COMMD1: variants seen among roughly 807,000 people sequenced by gnomAD.
The protein encoded by COMMD1 is COMM domain-containing protein 1.
In COMMD1, 10 loss-of-function variants were observed where a neutral mutation model predicts 17.2. That is an observed-to-expected ratio of 0.58 (90% CI 0.36 to 0.99). The LOEUF (loss-of-function observed/expected upper bound fraction) is 0.99. Among genes scored for constraint, COMMD1 ranks in the 50% least tolerant of loss-of-function variants. The pLI, the probability that COMMD1 is intolerant of heterozygous loss-of-function variation, is 0.01. For missense variants in COMMD1, 270 were observed against 231.8 expected, an observed-to-expected ratio of 1.17 and a Z score of -1.07; for synonymous variants, 97 against 91.6, an observed-to-expected ratio of 1.06 and a Z score of -0.34.
chr2:62,063,255 G>T (rs2103944314), intron 2 of COMMD1, among the ~76,000 whole-genome samples: 1 of 152,140 alleles, frequency 6.6e-6, no homozygotes, highest in African/African-American at 2.4e-5. Flanking sequence ...AATATTAGCA[G>T]GTTGTGGTGG....
chr2:61,913,796 CAAAAAAA>C (rs1164297104), intron 1 of COMMD1, among the ~76,000 whole-genome samples: 11 of 14,512 alleles, frequency 7.6e-4, no homozygotes, highest in African/African-American at 3.8e-3. Flanking sequence ...ACTCCATCTC[CAAAAAAA>C]AAAAAAAAAA....
In COMMD1 at chr2:61,949,971, A is replaced by G. The variant is rs1486608880; in HGVS notation, c.180+44113A>G. On this transcript the variant is annotated intron_variant, in intron 1 of 2. Coordinates refer to ENST00000311832, the MANE Select transcript of COMMD1 (RefSeq NM_152516.4). ...GTCACTGGATTCAAGCCAAGGTCTCAGGACACAAAATGAAACAAACAGGAC... is the reference window on the plus strand; with the variant it reads ...GTCACTGGATTCAAGCCAAGGTCTCGGGACACAAAATGAAACAAACAGGAC... 2.6e-5 allele frequency among the ~76,000 whole-genome samples: 4 copies of G among 152,206 alleles called. No homozygotes were observed. The East Asian group carries it at 7.7e-4, about 29-fold the overall frequency.
chr2:61,962,453 A>G (rs573778791), intron 1 of COMMD1, among the ~76,000 whole-genome samples: 4 of 152,310 alleles, frequency 2.6e-5, no homozygotes, highest in African/African-American at 9.6e-5. Context: ...ATGCTAATGA[A>G]TGACACAGGA....
At chr2:62,075,955 A>G (rs191611841) in intron 2 of COMMD1, among the ~76,000 whole-genome samples, 23 of 152,336 alleles carry the variant, frequency 1.5e-4, no homozygotes, top group African/African-American at 3.4e-4. Context: ...ACTCTGTTGT[A>G]AGTTCCTAGA....
intron 2 of COMMD1, among the ~76,000 whole-genome samples, chr2:62,065,286 C>G (rs1041128875): frequency 6.6e-6 from 1 of 151,360 alleles, no homozygotes; most frequent in African/African-American, 2.4e-5. Context: ...AATTATAACT[C>G]CAGGTCACCA....
intron 2 of COMMD1, among the ~76,000 whole-genome samples, chr2:62,013,567 C>T (rs1472726892): frequency 1.3e-5 from 2 of 152,148 alleles, no homozygotes; most frequent in Non-Finnish European, 2.9e-5. Context: ...AGGCCACTTA[C>T]TGGGCTCTCA....
At chr2:62,009,464 G>C (rs1669219180) in intron 2 of COMMD1, among the ~76,000 whole-genome samples, 1 of 152,008 alleles carries the variant, frequency 6.6e-6, no homozygotes, top group South Asian at 2.1e-4. Context: ...AGTTTGCCAG[G>C]CATAGTGGCA....
intron 2 of COMMD1, among the ~76,000 whole-genome samples, chr2:62,089,430 C>T (rs1430423376): frequency 2.6e-5 from 4 of 151,838 alleles, no homozygotes; most frequent in South Asian, 2.1e-4. Flanking sequence ...GGATTACAAG[C>T]GCGCTACCAC....
At chr2:62,121,281 AATC>A (rs1486697612) in intron 2 of COMMD1, among the ~76,000 whole-genome samples, 2 of 148,928 alleles carry the variant, frequency 1.3e-5, no homozygotes, top group Non-Finnish European at 3.0e-5. Context: ...GAGGCAGGAG[AATC>A]ACCTGAACCT....
chr2:62,107,508 A>C (rs1231816029), intron 2 of COMMD1, among the ~76,000 whole-genome samples: 1 of 152,216 alleles, frequency 6.6e-6, no homozygotes, highest in Non-Finnish European at 1.5e-5. Flanking sequence ...AGCCTTCTCC[A>C]TCCAGCTTCT....
chr2:62,021,565 C>G (rs1240992835), intron 2 of COMMD1, among the ~76,000 whole-genome samples: 1 of 152,128 alleles, frequency 6.6e-6, no homozygotes, highest in Non-Finnish European at 1.5e-5. Context: ...GTGGCCTGGC[C>G]TCCTCACTTT....
intron 1 of COMMD1, among the ~76,000 whole-genome samples, chr2:61,908,766 A>G (rs913511633): frequency 4.7e-5 from 7 of 150,378 alleles, no homozygotes; most frequent in Non-Finnish European, 8.9e-5. Flanking sequence ...ACGGGGTTTC[A>G]CCATCTTGGC....
At chr2:62,064,871 A>G (rs892225437) in intron 2 of COMMD1, among the ~76,000 whole-genome samples, 1 of 152,180 alleles carries the variant, frequency 6.6e-6, no homozygotes. Context: ...TTGGCATCAT[A>G]AAAATCTATG....
At chr2:62,131,452 C>T (rs1673031191) in intron 2 of COMMD1, among the ~76,000 whole-genome samples, 1 of 152,224 alleles carries the variant, frequency 6.6e-6, no homozygotes, top group Non-Finnish European at 1.5e-5. Context: ...TCAGATTGCT[C>T]TTGTACCTTC....
chr2:61,992,054 T>G (rs1008670764), intron 1 of COMMD1, among the ~76,000 whole-genome samples: 20 of 152,228 alleles, frequency 1.3e-4, no homozygotes, highest in African/African-American at 4.8e-4. Context: ...AAATATATAT[T>G]TTAAAATATA....
chr2:61,987,772 C>G (rs1200260165), intron 1 of COMMD1, among the ~76,000 whole-genome samples: 2 of 152,184 alleles, frequency 1.3e-5, no homozygotes, highest in East Asian at 1.9e-4. Context: ...ATTGAGTTCT[C>G]CTGAGCCCTA....
At position 61,910,259 on chromosome 2, in the gene COMMD1, C is replaced by CT. The variant is rs980935941; in HGVS notation, c.180+4410dup. On this transcript the variant is annotated intron_variant, in intron 1 of 2. Coordinates refer to ENST00000311832, the MANE Select transcript of COMMD1 (RefSeq NM_152516.4). ...GGCAGTTGCTAAACACTGCCCCCCC[C>CT]TTTTTTTTTAAGACGGAGTCTCACT... Among the ~76,000 whole-genome samples the CT allele has an allele frequency of 1.9e-3, 292 of 150,550 alleles. 1 individual carries two copies. The highest frequency in any genetic ancestry group is 3.5e-3 in the Middle Eastern group (1 of 284).
At chr2:62,059,942 T>TG (rs1670811516) in intron 2 of COMMD1, among the ~76,000 whole-genome samples, 1 of 147,406 alleles carries the variant, frequency 6.8e-6, no homozygotes, top group Non-Finnish European at 1.5e-5. Context: ...TTAATGAATT[T>TG]TGGGGGGGGA....
At chr2:62,039,680 CT>C (rs768897470) in intron 2 of COMMD1, among the ~76,000 whole-genome samples, 8 of 152,136 alleles carry the variant, frequency 5.3e-5, no homozygotes, top group Non-Finnish European at 8.8e-5. Flanking sequence ...TATATATCTG[CT>C]TGTGGAGTAT....
Sources: gnomAD v4.1 joint callset for allele counts (sites outside exome capture counted in the v4.1 genomes callset) on GRCh38, gnomAD v4.1.1 for gene constraint, MANE v1.5 for transcripts, NCBI Gene and HGNC (gene_info 2026-07-23, HGNC 2026-07-21) for gene names.